The following PRUNE2 variants were observed in gnomAD, a reference collection of about 807,000 sequenced individuals.
PRUNE2 encodes prune homolog 2 with BCH domain, also known as protein prune homolog 2.
Under a neutral mutation model 252.0 loss-of-function variants are expected in PRUNE2, and 164 were observed. The observed-to-expected ratio is 0.65, with a 90% CI of 0.57 to 0.74. PRUNE2 has a LOEUF of 0.74. Among genes scored for constraint, PRUNE2 ranks in the 30% least tolerant of loss-of-function variants. The pLI is 0.00. For synonymous variants in PRUNE2, 1,292 were observed against 1,350.2 expected, an observed-to-expected ratio of 0.96 and a Z score of 0.94; for missense variants, 3,495 against 3,711.0, an observed-to-expected ratio of 0.94 and a Z score of 1.51.
At chr9:76,637,649 G>T in intron 13 of PRUNE2, 100 bp from the exon 14 acceptor site, 1 of 1,065,970 alleles carries the variant, frequency 9.4e-7, no homozygotes, top group Non-Finnish European at 1.4e-6. Flanking sequence ...ATTTAAGAAT[G>T]ATTGTGCATA....
At chr9:76,755,859 G>A (rs559755899) in intron 6 of PRUNE2, among the ~76,000 whole-genome samples, 3 of 152,150 alleles carry the variant, frequency 2.0e-5, no homozygotes, top group South Asian at 4.2e-4. Flanking sequence ...ACGCCACCAC[G>A]CCCCGGTAAA....
At chr9:76,642,001 T>TAAAAAAAAAAA (rs369258212) in intron 12 of PRUNE2, 589 of 1,010,454 alleles carry the variant, frequency 5.8e-4, no homozygotes, top group East Asian at 1.8e-3. Context: ...ATAAGAGAAG[T>TAAAAAAAAAAA]AAAAAAAAAA....
chr9:76,803,029 C>T (rs2056669783), intron 6 of PRUNE2, among the ~76,000 whole-genome samples: 1 of 152,106 alleles, frequency 6.6e-6, no homozygotes, highest in African/African-American at 2.4e-5. Context: ...ATAAGCAAAC[C>T]CACATTGTTC....
intron 17 of PRUNE2, among the ~76,000 whole-genome samples, chr9:76,621,210 A>G (rs1832177893): frequency 6.6e-6 from 1 of 152,176 alleles, no homozygotes. Flanking sequence ...AGTCATGTGG[A>G]AAGTCAGGCG....
At chr9:76,647,044 C>T (rs933358315) in intron 11 of PRUNE2, among the ~76,000 whole-genome samples, 8 of 152,070 alleles carry the variant, frequency 5.3e-5, no homozygotes, top group Non-Finnish European at 1.2e-4. Context: ...CAAAAATTAG[C>T]TGGATATGTT....
At chr9:76,860,907 C>G (rs1276520373) in intron 1 of PRUNE2, among the ~76,000 whole-genome samples, 1 of 152,200 alleles carries the variant, frequency 6.6e-6, no homozygotes, top group Non-Finnish European at 1.5e-5. Flanking sequence ...GTGTCTTCCT[C>G]CCAGAAGACT....
At chr9:76,625,809 C>T (rs578144078) in intron 16 of PRUNE2, among the ~76,000 whole-genome samples, 2 of 152,098 alleles carry the variant, frequency 1.3e-5, no homozygotes, top group African/African-American at 4.8e-5. Context: ...TTTTCACAAC[C>T]TTTTTAGTGC....
chr9:76,706,639 C>T lies in PRUNE2; in HGVS notation c.5635G>A (p.Val1879Met), dbSNP rs146002268. The change falls in exon 8 of 19, where the codon GTG becomes ATG. Residue 1879 changes from valine to methionine, a missense_variant. Val to Met is a conservative substitution (Grantham distance 21). Coordinates refer to ENST00000376718, the MANE Select transcript of PRUNE2 (RefSeq NM_015225.3). The part of the protein sequence containing the change: ...GVPVQGDIEP[V>M]ETHYTNPFSD... The stretch of plus-strand genomic sequence containing the variant: ...AAAGGATTAGTATAGTGTGTTTCCA[C>T]GGGCTCAATATCACCCTGAACTGGT... The T allele has an allele frequency of 1.4e-4, 222 of 1,613,914 alleles. No homozygotes were observed. The Middle Eastern group carries it at 3.6e-3, about 26-fold the overall frequency.
At chr9:76,868,102 C>T (rs891648111) in intron 1 of PRUNE2, among the ~76,000 whole-genome samples, 14 of 152,042 alleles carry the variant, frequency 9.2e-5, no homozygotes, top group East Asian at 1.9e-4. Flanking sequence ...ACTCTATATG[C>T]GAGGTGGGTG....
intron 6 of PRUNE2, among the ~76,000 whole-genome samples, chr9:76,752,042 T>C (rs371822674): frequency 2.0e-4 from 31 of 151,710 alleles, no homozygotes; most frequent in African/African-American, 7.5e-4. Flanking sequence ...CAGGATTAGA[T>C]GGGCCTTAAA....
intron 6 of PRUNE2, among the ~76,000 whole-genome samples, chr9:76,772,906 A>G (rs999514384): frequency 5.9e-5 from 9 of 152,192 alleles, no homozygotes; most frequent in African/African-American, 2.2e-4. Context: ...CATGGATTTC[A>G]AAAAATTAAG....
chr9:76,865,485 T>C (rs551302580), intron 1 of PRUNE2, among the ~76,000 whole-genome samples: 34 of 152,330 alleles, frequency 2.2e-4, no homozygotes, highest in African/African-American at 7.9e-4. Flanking sequence ...GGTTGGAGAC[T>C]GGTTTTTACA....
intron 6 of PRUNE2, among the ~76,000 whole-genome samples, chr9:76,815,075 G>C (rs879422955): frequency 1.3e-5 from 2 of 152,186 alleles, no homozygotes; most frequent in African/African-American, 2.4e-5. Flanking sequence ...AGGAGAGTCA[G>C]TGGAGATTTC....
At chr9:76,626,585 A>G (rs1834861251) in intron 16 of PRUNE2, among the ~76,000 whole-genome samples, 2 of 152,220 alleles carry the variant, frequency 1.3e-5, no homozygotes. Flanking sequence ...TTCCTCCTGA[A>G]GTAACTTTTC....
At chr9:76,747,381 T>C (rs1314101580) in intron 6 of PRUNE2, among the ~76,000 whole-genome samples, 1 of 152,228 alleles carries the variant, frequency 6.6e-6, no homozygotes, top group African/African-American at 2.4e-5. Flanking sequence ...TTACTGTTTG[T>C]TGAGCCTTCA....
intron 15 of PRUNE2, among the ~76,000 whole-genome samples, chr9:76,630,797 A>C (rs1190837511): frequency 6.6e-6 from 1 of 152,232 alleles, no homozygotes; most frequent in Non-Finnish European, 1.5e-5. Flanking sequence ...AAGTGCTGGG[A>C]TTACAGGCGT....
intron 4 of PRUNE2, among the ~76,000 whole-genome samples, chr9:76,843,522 C>T (rs1383440105): frequency 6.6e-6 from 1 of 151,880 alleles, no homozygotes; most frequent in African/African-American, 2.4e-5. Context: ...TTTACAGCAC[C>T]CAAAAATCCA....
chr9:76,779,761 T>C (rs1288212908), intron 6 of PRUNE2: 1 of 152,248 alleles, frequency 6.6e-6, no homozygotes, highest in East Asian at 1.9e-4. Flanking sequence ...GGATAATGAA[T>C]GTTTCATTTA....
intron 1 of PRUNE2, chr9:76,862,988 A>C (rs1014844499): frequency 2.6e-5 from 4 of 152,242 alleles, no homozygotes; most frequent in Non-Finnish European, 5.9e-5. Flanking sequence ...TAACTATTGA[A>C]AAAGTGAATG....
Sources: gnomAD v4.1 joint callset for allele counts (sites outside exome capture counted in the v4.1 genomes callset) on GRCh38, gnomAD v4.1.1 for gene constraint, MANE v1.5 for transcripts, NCBI Gene and HGNC (gene_info 2026-07-23, HGNC 2026-07-21) for gene names.